The following GPR107 variants were observed in gnomAD, a reference collection of about 807,000 sequenced individuals.
GPR107 encodes the protein protein GPR107.
GPR107 carries 31 observed loss-of-function variants against 75.5 expected under a neutral mutation model. The observed-to-expected ratio is 0.41, with a 90% CI of 0.31 to 0.55. The LOEUF (loss-of-function observed/expected upper bound fraction) is 0.55, where lower values mean the gene tolerates loss of function less well. Ranked by LOEUF, GPR107 falls within the 20% of genes least tolerant of loss-of-function variation. The probability of loss-of-function intolerance (pLI) is 0.26; values close to 1 mark genes in which losing one functional copy is unlikely to be tolerated. For synonymous variants in GPR107, 267 were observed against 251.3 expected (o/e 1.06, Z -0.59); for missense variants, 572 against 665.7 (o/e 0.86, Z 1.55).
chr9:130,108,992 C>CTTTTTTT (rs11316244), intron 14 of GPR107, among the ~76,000 whole-genome samples: 6 of 66,062 alleles, frequency 9.1e-5, no homozygotes, highest in Non-Finnish European at 1.6e-4. Context: ...TGGGGATATT[C>CTTTTTTT]TTTTTTTTTT....
intron 1 of GPR107, among the ~76,000 whole-genome samples, chr9:130,060,104 C>T (rs1235030950): frequency 1.3e-5 from 2 of 151,824 alleles, no homozygotes; most frequent in Non-Finnish European, 2.9e-5. Context: ...ATCCTGTCCC[C>T]CAGGCTGGAG....
At chr9:130,090,539 G>A (rs931143530) in intron 7 of GPR107, among the ~76,000 whole-genome samples, 4 of 152,162 alleles carry the variant, frequency 2.6e-5, no homozygotes, top group African/African-American at 4.8e-5. Context: ...ATAGTAAAAT[G>A]TTCACTGTAG....
chr9:130,085,982 C>T (rs951344098), intron 6 of GPR107, among the ~76,000 whole-genome samples: 2 of 152,070 alleles, frequency 1.3e-5, no homozygotes, highest in African/African-American at 4.8e-5. Flanking sequence ...AACTCCTGAC[C>T]TCAAGTGATC....
intron 17 of GPR107, 99 bp from the exon 18 acceptor site, chr9:130,134,926 A>G (rs782324639): frequency 7.9e-5 from 59 of 742,962 alleles, no homozygotes; most frequent in Non-Finnish European, 1.3e-4. Flanking sequence ...TTCAAAAACC[A>G]ACACCCATCA....
At chr9:130,125,132 T>C (rs1195691911) in intron 15 of GPR107, among the ~76,000 whole-genome samples, 168 bp downstream of exon 15, 1 of 115,084 alleles carries the variant, frequency 8.7e-6, no homozygotes, top group African/African-American at 3.4e-5. Flanking sequence ...GACGTCTAGC[T>C]CTGTCACCCA....
At chr9:130,064,790 A>G (rs1371288980) in intron 1 of GPR107, among the ~76,000 whole-genome samples, 2 of 152,206 alleles carry the variant, frequency 1.3e-5, no homozygotes, top group Non-Finnish European at 2.9e-5. Context: ...GCAGAGGCAC[A>G]CACAGAGGGA....
At chr9:130,093,822 T>G (rs1830799661) in intron 9 of GPR107, among the ~76,000 whole-genome samples, 4 of 151,920 alleles carry the variant, frequency 2.6e-5, no homozygotes, top group Admixed American at 2.6e-4. Flanking sequence ...TTTCTTTTTT[T>G]TTTTCAAGAT....
intron 17 of GPR107, among the ~76,000 whole-genome samples, chr9:130,130,364 T>C (rs1056539348): frequency 6.6e-6 from 1 of 152,238 alleles, no homozygotes; most frequent in Non-Finnish European, 1.5e-5. Context: ...AGGAAATGTT[T>C]GGTGTGGGTT....
chr9:130,089,989 A>G (rs1336734242), intron 7 of GPR107, among the ~76,000 whole-genome samples: 1 of 152,298 alleles, frequency 6.6e-6, no homozygotes, highest in East Asian at 1.9e-4. Context: ...AGGACAAGAA[A>G]TAGAACAGTT....
chr9:130,131,954 C>T (rs797031916), intron 17 of GPR107, among the ~76,000 whole-genome samples: 2 of 152,292 alleles, frequency 1.3e-5, no homozygotes, highest in African/African-American at 4.8e-5. Flanking sequence ...TATCACAGCT[C>T]ACTGCAGGCT....
intron 12 of GPR107, among the ~76,000 whole-genome samples, chr9:130,101,985 C>T (rs34500711): frequency 0.033 from 4,977 of 152,268 alleles, 113 homozygotes; most frequent in Middle Eastern, 0.054. Context: ...GAGCTCCTCT[C>T]GGAGTTCTAA....
chr9:130,126,404 G>A (rs1041975664), intron 15 of GPR107, among the ~76,000 whole-genome samples: 4 of 142,472 alleles, frequency 2.8e-5, no homozygotes, highest in African/African-American at 1.0e-4. Flanking sequence ...GGAGTGCAAT[G>A]GCGTGATCTC....
At chr9:130,071,191 A>AT (rs1233744458) in intron 1 of GPR107, among the ~76,000 whole-genome samples, 5,618 of 135,004 alleles carry the variant, frequency 0.042, 129 homozygotes, top group South Asian at 0.067. Flanking sequence ...CAACTGGCTA[A>AT]TTTTTTTTTT....
intron 1 of GPR107, among the ~76,000 whole-genome samples, chr9:130,069,203 T>C (rs1830139151): frequency 6.6e-6 from 1 of 152,180 alleles, no homozygotes; most frequent in Admixed American, 6.5e-5. Flanking sequence ...CAAATGGACA[T>C]GTTTGAGGCT....
chr9:130,114,029 CTT>C lies in GPR107; in HGVS notation c.1306+6509_1306+6510del, dbSNP rs60616601. ...CAAAAATAATTCTGGTCTTCTCATTCTTTTTTTTTTTTTTTTTTTTCATTTTT... is the reference window on the plus strand; with the variant it reads ...CAAAAATAATTCTGGTCTTCTCATTCTTTTTTTTTTTTTTTTTTCATTTTT... On this transcript the variant is annotated intron_variant, in intron 14 of 17. Coordinates refer to ENST00000347136, the MANE Select transcript of GPR107 (RefSeq NM_020960.5). Among the ~76,000 whole-genome samples the C allele has an allele frequency of 5.8e-3, 522 of 90,700 alleles. 2 individuals are homozygous for C. Among genetic ancestry groups the C allele is most frequent in the Middle Eastern group, 0.013 (2 of 150 alleles). 59.5% of individuals were successfully genotyped at this position (90,700 alleles called of 152,430 possible). A position where few individuals can be genotyped will look rare whatever the true frequency, so the allele number is the denominator to read the frequency against.
At chr9:130,076,368 C>T (rs1311298335) in intron 2 of GPR107, 44 bp from the exon 3 acceptor site, 1 of 1,158,814 alleles carries the variant, frequency 8.6e-7, no homozygotes, top group South Asian at 1.2e-5. Flanking sequence ...AAAGTATGGA[C>T]AATTGTGTAG....
At chr9:130,091,304 T>C (rs2132590884) in intron 8 of GPR107, among the ~76,000 whole-genome samples, 1 of 152,024 alleles carries the variant, frequency 6.6e-6, no homozygotes, top group Admixed American at 6.6e-5. Flanking sequence ...GTGTGGGCAA[T>C]ATGGCAAAAC....
At chr9:130,068,564 G>A (rs1390270610) in intron 1 of GPR107, among the ~76,000 whole-genome samples, 1 of 152,028 alleles carries the variant, frequency 6.6e-6, no homozygotes, top group African/African-American at 2.4e-5. Flanking sequence ...CTAAAATTCA[G>A]TTTATAAGAA....
chr9:130,063,605 A>G (rs1829985490), intron 1 of GPR107, among the ~76,000 whole-genome samples: 1 of 151,858 alleles, frequency 6.6e-6, no homozygotes, highest in South Asian at 2.1e-4. Flanking sequence ...TGCCTTTTTT[A>G]GTGACTGCTG....
Sources: allele counts gnomAD v4.1 joint callset (sites outside exome capture counted in the v4.1 genomes callset), GRCh38; gene constraint gnomAD v4.1.1; transcripts MANE v1.5; gene names NCBI Gene and HGNC (gene_info 2026-07-23, HGNC 2026-07-21).